The following RBFOX3 variants were observed in gnomAD, a reference collection of about 807,000 sequenced individuals.
RBFOX3 encodes RNA binding protein fox-1 homolog 3.
A neutral mutation model predicts 48.7 loss-of-function variants in RBFOX3; 17 were observed. The ratio of observed to expected loss-of-function variants is 0.35; its 90% CI spans 0.24 to 0.52. The LOEUF (loss-of-function observed/expected upper bound fraction) is 0.52, where lower values mean the gene tolerates loss of function less well. Ranked by LOEUF, RBFOX3 falls within the 20% of genes least tolerant of loss-of-function variation. The pLI is 0.94. For missense variants in RBFOX3, 382 were observed against 497.5 expected, an observed-to-expected ratio of 0.77 and a Z score of 2.21; for synonymous variants, 212 against 209.5, an observed-to-expected ratio of 1.01 and a Z score of -0.10.
intron 4 of RBFOX3, among the ~76,000 whole-genome samples, chr17:79,129,493 G>A (rs1042553558): frequency 5.2e-4 from 79 of 151,966 alleles, no homozygotes; most frequent in African/African-American, 1.9e-3. Flanking sequence ...AAGCCCCCCA[G>A]GCTCCTGCTG....
At chr17:79,290,724 C>T (rs558813684) in intron 3 of RBFOX3, among the ~76,000 whole-genome samples, 63 of 152,284 alleles carry the variant, frequency 4.1e-4, no homozygotes, top group South Asian at 8.3e-4. Context: ...ACAAGGCAGA[C>T]GGACAGGCAT....
intron 2 of RBFOX3, among the ~76,000 whole-genome samples, chr17:79,330,546 C>T (rs769363099): frequency 7.8e-5 from 11 of 140,196 alleles, no homozygotes; most frequent in Middle Eastern, 3.5e-3. Context: ...CACGCTTCTC[C>T]GTTTTACAGA....
intron 4 of RBFOX3, among the ~76,000 whole-genome samples, chr17:79,158,785 T>G (rs1192633642): frequency 6.6e-6 from 1 of 151,914 alleles, no homozygotes; most frequent in Non-Finnish European, 1.5e-5. Context: ...CAGCCCCAAT[T>G]TATGTGATTT....
At position 79,279,062 on chromosome 17, in the gene RBFOX3, C is replaced by CAATT. The variant is rs558015228; in HGVS notation, c.-74+28658_-74+28661dup. Among the ~76,000 whole-genome samples the CAATT allele has an allele frequency of 1.7e-3, 258 of 152,122 alleles. 1 individual carries two copies. Among genetic ancestry groups the CAATT allele is most frequent in the Non-Finnish European group, 3.1e-3 (211 of 68,016 alleles). ...TGAGGGTCAGAGAGCTTCAGTCCTC[C>CAATT]AATTACTAGTGGCAGAGCTGGGACT... On this transcript the variant is annotated intron_variant, in intron 3 of 14. Coordinates refer to ENST00000693108, the MANE Select transcript of RBFOX3 (RefSeq NM_001350451.2).
intron 12 of RBFOX3, 87 bp from the exon 13 acceptor site, chr17:79,095,661 G>T (rs2075080917): frequency 3.3e-6 from 4 of 1,211,328 alleles, no homozygotes; most frequent in Admixed American, 4.1e-5. Flanking sequence ...GACAGACCCT[G>T]TGCGGGTGGG....
chr17:79,579,154 G>T (rs2092960771), intron 1 of RBFOX3, among the ~76,000 whole-genome samples: 1 of 152,172 alleles, frequency 6.6e-6, no homozygotes, highest in African/African-American at 2.4e-5. Context: ...TGTTCTCCAT[G>T]CTCTTTGGGG....
chr17:79,490,942 G>A (rs1374071869), intron 1 of RBFOX3, among the ~76,000 whole-genome samples: 1 of 148,652 alleles, frequency 6.7e-6, no homozygotes, highest in Non-Finnish European at 1.5e-5. Context: ...TGGGTGACGG[G>A]TGTCTAGGAA....
intron 1 of RBFOX3, among the ~76,000 whole-genome samples, chr17:79,566,701 T>C (rs1293316631): frequency 1.3e-5 from 2 of 152,230 alleles, no homozygotes. Flanking sequence ...GTGGTTGCCC[T>C]CAACCCCAGA....
At chr17:79,457,578 C>T (rs1428180190) in intron 2 of RBFOX3, among the ~76,000 whole-genome samples, 5 of 151,896 alleles carry the variant, frequency 3.3e-5, no homozygotes, top group African/African-American at 7.3e-5. Context: ...CCTCCGTTTC[C>T]GGGGCAGTTG....
At chr17:79,593,975 C>G (rs1283004627) in intron 1 of RBFOX3, among the ~76,000 whole-genome samples, 2 of 152,180 alleles carry the variant, frequency 1.3e-5, no homozygotes, top group Admixed American at 6.5e-5. Flanking sequence ...CAAACTCGCT[C>G]TCCTCCCTCT....
At chr17:79,292,482 T>C (rs1211047774) in intron 3 of RBFOX3, among the ~76,000 whole-genome samples, 5 of 152,098 alleles carry the variant, frequency 3.3e-5, no homozygotes, top group Non-Finnish European at 7.4e-5. Context: ...TGGAAGGTTC[T>C]CAATGAATAC....
At chr17:79,447,933 A>C (rs1555739225) in intron 2 of RBFOX3, among the ~76,000 whole-genome samples, 1 of 151,954 alleles carries the variant, frequency 6.6e-6, no homozygotes, top group African/African-American at 2.4e-5. Context: ...TTCTCATGAT[A>C]GTGAGTGAGT....
At chr17:79,187,547 C>T (rs1053532519) in intron 4 of RBFOX3, among the ~76,000 whole-genome samples, 4 of 151,788 alleles carry the variant, frequency 2.6e-5, no homozygotes, top group African/African-American at 7.3e-5. Context: ...CACTGGGGGA[C>T]GAAAGAGGCA....
At chr17:79,447,734 C>T (rs189556582) in intron 2 of RBFOX3, among the ~76,000 whole-genome samples, 1 of 152,318 alleles carries the variant, frequency 6.6e-6, no homozygotes, top group East Asian at 1.9e-4. Flanking sequence ...TCATGCCATC[C>T]ATGTGAGCAT....
chr17:79,394,669 T>C (rs770174680), intron 2 of RBFOX3, among the ~76,000 whole-genome samples: 3 of 152,238 alleles, frequency 2.0e-5, no homozygotes, highest in Non-Finnish European at 4.4e-5. Flanking sequence ...TGGTCTTGTC[T>C]GAAGCCTTGG....
intron 2 of RBFOX3, among the ~76,000 whole-genome samples, chr17:79,437,316 CG>C (rs2069720650): frequency 6.6e-6 from 1 of 152,286 alleles, no homozygotes; most frequent in African/African-American, 2.4e-5. Context: ...AAGCTCCAGC[CG>C]GGGAGGCCGG....
At chr17:79,163,181 C>T (rs902660818) in intron 4 of RBFOX3, among the ~76,000 whole-genome samples, 1 of 152,254 alleles carries the variant, frequency 6.6e-6, no homozygotes, top group African/African-American at 2.4e-5. Flanking sequence ...AGGACCCTAG[C>T]CGGGTCCCTC....
chr17:79,497,521 G>A (rs900957331), intron 1 of RBFOX3, among the ~76,000 whole-genome samples: 1 of 152,370 alleles, frequency 6.6e-6, no homozygotes, highest in Non-Finnish European at 1.5e-5. Context: ...GCCTCGGTGA[G>A]TTTCTACCAG....
intron 3 of RBFOX3, among the ~76,000 whole-genome samples, chr17:79,271,178 C>G (rs558707425): frequency 6.6e-6 from 1 of 151,798 alleles, no homozygotes; most frequent in Non-Finnish European, 1.5e-5. Context: ...CGGGTTCAAG[C>G]GATTCTCCTG....
Sources: gnomAD v4.1 joint callset for allele counts (sites outside exome capture counted in the v4.1 genomes callset) on GRCh38, gnomAD v4.1.1 for gene constraint, MANE v1.5 for transcripts, NCBI Gene and HGNC (gene_info 2026-07-23, HGNC 2026-07-21) for gene names.